Variants in GSG1L observed in about 807,000 individuals in gnomAD.
GSG1L encodes germ cell-specific gene 1-like protein.
A neutral mutation model predicts 42.1 loss-of-function variants in GSG1L; 24 were observed. The ratio of observed to expected loss-of-function variants is 0.57; its 90% confidence interval spans 0.41 to 0.80. The LOEUF is 0.80. GSG1L is among the 30% of genes least tolerant of loss of function. The pLI, the probability that GSG1L is intolerant of heterozygous loss-of-function variation, is 0.00. For synonymous variants in GSG1L, 215 were observed against 203.5 expected, an observed-to-expected ratio of 1.06 and a Z score of -0.48; for missense variants, 445 against 472.2, an observed-to-expected ratio of 0.94 and a Z score of 0.53.
At chr16:27,865,136 A>G (rs929550703) in intron 3 of GSG1L, among the ~76,000 whole-genome samples, 1 of 151,296 alleles carries the variant, frequency 6.6e-6, no homozygotes, top group African/African-American at 2.4e-5. Context: ...TCACCCCCAC[A>G]CTCTGGGCTC....
chr16:27,960,960 A>G (rs1184591209), intron 2 of GSG1L, among the ~76,000 whole-genome samples: 2 of 152,174 alleles, frequency 1.3e-5, no homozygotes, highest in Middle Eastern at 3.2e-3. Context: ...GGGTTCTTGT[A>G]AAAGAAGCAA....
intron 1 of GSG1L, among the ~76,000 whole-genome samples, chr16:27,975,233 C>T (rs950018171): frequency 6.6e-6 from 1 of 152,164 alleles, no homozygotes; most frequent in Non-Finnish European, 1.5e-5. Flanking sequence ...ATGCCCTGAT[C>T]TTTCTCTCCT....
intron 2 of GSG1L, among the ~76,000 whole-genome samples, chr16:27,886,221 C>G (rs2084027280): frequency 6.6e-6 from 1 of 152,188 alleles, no homozygotes; most frequent in Non-Finnish European, 1.5e-5. Flanking sequence ...AGATGGATCA[C>G]TTGAGGTCAG....
At chr16:27,928,512 G>GAAAAC (rs941393475) in intron 2 of GSG1L, among the ~76,000 whole-genome samples, 1 of 113,922 alleles carries the variant, frequency 8.8e-6, no homozygotes, top group Admixed American at 1.0e-4. Context: ...GGAAAGAAAA[G>GAAAAC]AAAAGAAAAC....
At chr16:27,814,430 C>A (rs2083070316) in intron 5 of GSG1L, among the ~76,000 whole-genome samples, 1 of 152,186 alleles carries the variant, frequency 6.6e-6, no homozygotes, top group Non-Finnish European at 1.5e-5. Context: ...ACATTTTCAA[C>A]TCAGAGAGAA....
chr16:27,910,530 A>G (rs976072221), intron 2 of GSG1L, among the ~76,000 whole-genome samples: 1 of 152,186 alleles, frequency 6.6e-6, no homozygotes, highest in African/African-American at 2.4e-5. Context: ...AAATGGCAAG[A>G]CCAAGGTTTG....
At position 27,909,745 on chromosome 16, in the gene GSG1L, G is replaced by T. The variant is rs192730821; in HGVS notation, c.398-25107C>A. On this transcript the variant is annotated intron_variant, in intron 2 of 6. Transcript: ENST00000447459. The stretch of plus-strand genomic sequence containing the variant: ...CAGTCCCGACCTCCAGGGCTCATGT[G>T]ATCCTCCCACCTCAGCCTCCCAAGT... Among the ~76,000 whole-genome samples, 650 of 144,888 alleles carry T rather than the reference G, an allele frequency of 4.5e-3. 2 individuals are homozygous for T. Among genetic ancestry groups the T allele is most frequent in the African/African-American group, 0.016 (624 of 38,906 alleles).
chr16:27,946,656 A>AAAAG (rs1211575909), intron 2 of GSG1L, among the ~76,000 whole-genome samples: 1 of 27,404 alleles, frequency 3.6e-5, no homozygotes, highest in Non-Finnish European at 6.6e-5. Flanking sequence ...AGAAAGAAAG[A>AAAAG]AAAGAAAGAA....
intron 1 of GSG1L, among the ~76,000 whole-genome samples, chr16:28,011,075 A>C (rs2085712086): frequency 6.6e-6 from 1 of 152,186 alleles, no homozygotes; most frequent in South Asian, 2.1e-4. Context: ...AGCCCTGTAC[A>C]CACGCCCAGA....
chr16:27,868,736 T>C (rs2083763307), intron 3 of GSG1L, among the ~76,000 whole-genome samples: 1 of 152,196 alleles, frequency 6.6e-6, no homozygotes, highest in Non-Finnish European at 1.5e-5. Context: ...AACCCTCAGC[T>C]GGAGCTAGGC....
At chr16:27,798,806 G>A (rs984248343) in intron 6 of GSG1L, among the ~76,000 whole-genome samples, 3 of 152,048 alleles carry the variant, frequency 2.0e-5, no homozygotes, top group African/African-American at 7.2e-5. Context: ...GACAGAAGTG[G>A]GCATAAAGTA....
chr16:27,940,503 C>A (rs2141082371), intron 2 of GSG1L, among the ~76,000 whole-genome samples: 1 of 142,236 alleles, frequency 7.0e-6, no homozygotes, highest in East Asian at 2.0e-4. Flanking sequence ...CACATATACA[C>A]CATGGAATAC....
chr16:27,831,935 T>C (rs1326316693), intron 4 of GSG1L, among the ~76,000 whole-genome samples: 1 of 152,134 alleles, frequency 6.6e-6, no homozygotes, highest in African/African-American at 2.4e-5. Context: ...ATCCCTGGAC[T>C]CGCTGCTTTC....
chr16:27,845,985 C>G (rs1043617995), intron 3 of GSG1L, among the ~76,000 whole-genome samples: 5 of 151,934 alleles, frequency 3.3e-5, no homozygotes, highest in Admixed American at 6.6e-5. Context: ...TCACTGCAAG[C>G]TCCACCTCCC....
chr16:27,837,325 G>C (rs2083332317), intron 4 of GSG1L, among the ~76,000 whole-genome samples: 1 of 152,088 alleles, frequency 6.6e-6, no homozygotes, highest in Non-Finnish European at 1.5e-5. Context: ...TCTCTCCCTT[G>C]ACACGTGGGG....
chr16:27,898,365 G>A (rs187304369), intron 2 of GSG1L, among the ~76,000 whole-genome samples: 1,085 of 10,194 alleles, frequency 0.11, 8 homozygotes, highest in Non-Finnish European at 0.15. Flanking sequence ...CACCCCCTGC[G>A]AGGTCTTCTT....
intron 1 of GSG1L, among the ~76,000 whole-genome samples, chr16:28,010,018 A>G (rs184952217): frequency 1.3e-5 from 2 of 152,228 alleles, no homozygotes; most frequent in African/African-American, 4.8e-5. Context: ...ACACACACAC[A>G]CGCTTGCAAG....
intron 1 of GSG1L, among the ~76,000 whole-genome samples, chr16:28,016,346 C>T (rs1470564595): frequency 6.6e-6 from 1 of 152,182 alleles, no homozygotes; most frequent in East Asian, 1.9e-4. Flanking sequence ...AAATGTCCTC[C>T]TGGACCTACA....
chr16:27,823,984 T>G (rs890130193), intron 5 of GSG1L: 5 of 701,846 alleles, frequency 7.1e-6, no homozygotes, highest in Non-Finnish European at 1.3e-5. Context: ...GAGTCACATC[T>G]GAGGTATTTA....
Sources: allele counts gnomAD v4.1 joint callset (sites outside exome capture counted in the v4.1 genomes callset), GRCh38; gene constraint gnomAD v4.1.1; transcripts MANE v1.5; gene names NCBI Gene and HGNC (gene_info 2026-07-23, HGNC 2026-07-21).